CLTCL1: variants seen among roughly 807,000 people sequenced by gnomAD.
The protein encoded by CLTCL1 is clathrin heavy chain like 1.
A neutral mutation model predicts 190.0 loss-of-function variants in CLTCL1; 159 were observed. The ratio of observed to expected loss-of-function variants is 0.84; its 90% confidence interval spans 0.74 to 0.95. The LOEUF is 0.95. Among genes scored for constraint, CLTCL1 ranks in the 40% least tolerant of loss-of-function variants. The pLI, the probability that CLTCL1 is intolerant of heterozygous loss-of-function variation, is 0.00. For missense variants in CLTCL1, 1,878 were observed against 2,033.4 expected (o/e 0.92, Z 1.47); for synonymous variants, 752 against 769.6 (o/e 0.98, Z 0.38).
chr22:19,252,685 G>C (rs369138348), intron 3 of CLTCL1, among the ~76,000 whole-genome samples: 14 of 152,318 alleles, frequency 9.2e-5, no homozygotes, highest in African/African-American at 3.4e-4. Flanking sequence ...ACATCCTGTA[G>C]TCCTCAAGTA....
At chr22:19,275,007 GC>G (rs1393561626) in intron 2 of CLTCL1, among the ~76,000 whole-genome samples, 2 of 152,138 alleles carry the variant, frequency 1.3e-5, no homozygotes, top group Non-Finnish European at 2.9e-5. Flanking sequence ...GGGATTACAG[GC>G]ATGAGTCACT....
intron 26 of CLTCL1, among the ~76,000 whole-genome samples, chr22:19,191,754 C>T (rs2084513979): frequency 6.6e-6 from 1 of 152,210 alleles, no homozygotes. Flanking sequence ...CAGAATGAAG[C>T]CCCACAGCAA....
At chr22:19,215,623 C>T (rs1006683558) in intron 19 of CLTCL1, among the ~76,000 whole-genome samples, 1 of 152,232 alleles carries the variant, frequency 6.6e-6, no homozygotes. Context: ...AGCACGCACT[C>T]GCACCTCTAT....
intron 3 of CLTCL1, among the ~76,000 whole-genome samples, chr22:19,247,535 TTTG>T (rs1320308600): frequency 7.9e-5 from 12 of 152,262 alleles, no homozygotes; most frequent in South Asian, 2.1e-4. Flanking sequence ...GAGTTTTTAT[TTTG>T]TTGTTGTTGT....
At chr22:19,217,497 TCCCAG>T (rs1166974557) in intron 18 of CLTCL1, among the ~76,000 whole-genome samples, 1 of 150,164 alleles carries the variant, frequency 6.7e-6, no homozygotes, top group Admixed American at 6.7e-5. Flanking sequence ...GCGCCTGTAG[TCCCAG>T]CTACTCGGGA....
Position 19,199,834 on chromosome 22 carries a change from A to G in CLTCL1, c.3773T>C (p.Phe1258Ser). 6.3e-6 allele frequency: 10 copies of G among 1,591,826 alleles called. No individual in the cohort carries two copies. The highest frequency in any genetic ancestry group is 8.6e-6 in the Non-Finnish European group (10 of 1,169,474). The change falls in exon 24 of 33, where the codon TTT becomes TCT. Residue 1258 changes from phenylalanine (F) to serine (S), a missense_variant. Coordinates refer to ENST00000427926, the MANE Select transcript of CLTCL1 (RefSeq NM_007098.4). ...SSTRTWKEVC[F>S]ACMDGQEFRF... ...GAACTCTTGTCCATCCATGCAGGCA[A>G]AGCACACCTAGGGGACGGAGGGCAA... is the stretch of plus-strand genomic sequence containing the variant.
intron 26 of CLTCL1, among the ~76,000 whole-genome samples, chr22:19,194,911 C>G (rs540943740): frequency 1.3e-5 from 2 of 152,296 alleles, no homozygotes; most frequent in Admixed American, 6.5e-5. Context: ...CAGTGTCTGT[C>G]TCCCACACGG....
chr22:19,291,291 C>A (rs1254285969), intron 1 of CLTCL1, among the ~76,000 whole-genome samples: 2 of 152,178 alleles, frequency 1.3e-5, no homozygotes, highest in African/African-American at 2.4e-5. Context: ...GGTTGCCCTG[C>A]CTGCAGCGGG....
Position 19,234,663 on chromosome 22 carries a change from G to A in CLTCL1, c.1013C>T (p.Ala338Val), listed in dbSNP as rs1555961039. 5.6e-6 allele frequency: 9 copies of A among 1,613,900 alleles called. 1 individual carries two copies. The South Asian group carries it at 8.8e-5, about 16-fold the overall frequency. Reference sequence around the variant, plus strand: ...GTCTGGATTCTGAAGCACGTTGGTTGCATAATTCACAATGTTATCTTCCTC... The same window carrying A: ...GTCTGGATTCTGAAGCACGTTGGTTACATAATTCACAATGTTATCTTCCTC... ...CVEEDNIVNYATNVLQNPDLG... is the reference protein window; with the variant it reads ...CVEEDNIVNYVTNVLQNPDLG... Residue 338 changes from alanine (A) to valine (V), a missense_variant, in exon 7 of 33, where the codon GCA becomes GTA. Coordinates refer to ENST00000427926, the MANE Select transcript of CLTCL1 (RefSeq NM_007098.4).
chr22:19,261,016 GGA>G (rs2086930469), intron 2 of CLTCL1, among the ~76,000 whole-genome samples: 1 of 151,896 alleles, frequency 6.6e-6, no homozygotes, highest in Non-Finnish European at 1.5e-5. Context: ...AGATATACAA[GGA>G]GATGAAAGCT....
At chr22:19,253,252 G>A (rs1384502860) in intron 3 of CLTCL1, among the ~76,000 whole-genome samples, 1 of 152,128 alleles carries the variant, frequency 6.6e-6, no homozygotes, top group Non-Finnish European at 1.5e-5. Flanking sequence ...ACACACGGGG[G>A]CCAGAGATGC....
intron 1 of CLTCL1, among the ~76,000 whole-genome samples, chr22:19,277,069 C>T (rs1217591415): frequency 3.9e-5 from 6 of 152,182 alleles, no homozygotes; most frequent in Non-Finnish European, 7.3e-5. Flanking sequence ...CTTGAAGAGG[C>T]TCACACTAGC....
chr22:19,290,976 G>A (rs916908311), intron 1 of CLTCL1, among the ~76,000 whole-genome samples: 1 of 152,192 alleles, frequency 6.6e-6, no homozygotes, highest in African/African-American at 2.4e-5. Flanking sequence ...CGAGCGGCCC[G>A]CACGACGCCC....
intron 27 of CLTCL1, among the ~76,000 whole-genome samples, chr22:19,189,057 A>G (rs2084407831): frequency 6.6e-6 from 1 of 152,042 alleles, no homozygotes; most frequent in Non-Finnish European, 1.5e-5. Context: ...GTGCGCGCCC[A>G]CCACACCTGG....
intron 8 of CLTCL1, 31 bp from the exon 9 acceptor site, chr22:19,233,349 A>C (rs782238147): frequency 6.2e-7 from 1 of 1,610,486 alleles, no homozygotes. Flanking sequence ...AGGCAAAGTT[A>C]GGAGGCAGGT....
At chr22:19,253,702 C>A (rs1311973648) in intron 3 of CLTCL1, among the ~76,000 whole-genome samples, 2 of 149,470 alleles carry the variant, frequency 1.3e-5, no homozygotes, top group African/African-American at 2.4e-5. Context: ...TACCTATAAC[C>A]AACTTTTTTT....
chr22:19,264,497 A>C (rs1367783778), intron 2 of CLTCL1, among the ~76,000 whole-genome samples: 2 of 152,220 alleles, frequency 1.3e-5, no homozygotes, highest in Non-Finnish European at 2.9e-5. Flanking sequence ...CACTCATGTT[A>C]ACAGCGGAAT....
At chr22:19,262,717 G>T (rs1045406246) in intron 2 of CLTCL1, among the ~76,000 whole-genome samples, 1 of 150,796 alleles carries the variant, frequency 6.6e-6, no homozygotes, top group African/African-American at 2.4e-5. Flanking sequence ...ATCAAGGCAA[G>T]ACCCTCCACC....
At chr22:19,289,081 T>C (rs2088014110) in intron 1 of CLTCL1, among the ~76,000 whole-genome samples, 1 of 152,178 alleles carries the variant, frequency 6.6e-6, no homozygotes, top group African/African-American at 2.4e-5. Flanking sequence ...CCTCCCGGGT[T>C]CAAGAGATTC....
Sources: allele counts gnomAD v4.1 joint callset (sites outside exome capture counted in the v4.1 genomes callset), GRCh38; gene constraint gnomAD v4.1.1; transcripts MANE v1.5; gene names NCBI Gene and HGNC (gene_info 2026-07-23, HGNC 2026-07-21).